Variants in BRINP1 observed in about 807,000 individuals in gnomAD.
The protein encoded by BRINP1 is BMP/retinoic acid inducible neural specific 1.
Under a neutral mutation model 72.9 loss-of-function variants are expected in BRINP1, and 17 were observed. The ratio of observed to expected loss-of-function variants is 0.23; its 90% CI spans 0.16 to 0.35. The LOEUF (loss-of-function observed/expected upper bound fraction) is 0.35. BRINP1 is among the 10% of genes least tolerant of loss of function. BRINP1 has a pLI of 1.00. For missense variants in BRINP1, 850 were observed against 1,001.6 expected, an observed-to-expected ratio of 0.85 and a Z score of 2.04; for synonymous variants, 418 against 378.5, an observed-to-expected ratio of 1.10 and a Z score of -1.21.
intron 3 of BRINP1, among the ~76,000 whole-genome samples, chr9:119,245,783 AAG>A (rs1830310230): frequency 6.6e-6 from 1 of 152,226 alleles, no homozygotes; most frequent in East Asian, 1.9e-4. Flanking sequence ...TGACATGTCG[AAG>A]AGTTTATCAA....
intron 7 of BRINP1, among the ~76,000 whole-genome samples, chr9:119,185,291 A>T (rs1351237158): frequency 1.3e-5 from 2 of 152,240 alleles, no homozygotes; most frequent in Admixed American, 6.5e-5. Context: ...CCAAAAAAAC[A>T]TTAACAAGAA....
At chr9:119,278,780 C>T (rs1226526090) in intron 2 of BRINP1, among the ~76,000 whole-genome samples, 1 of 152,006 alleles carries the variant, frequency 6.6e-6, no homozygotes, top group African/African-American at 2.4e-5. Flanking sequence ...CTCAGCTACT[C>T]AGGAGGCTGA....
intron 1 of BRINP1, among the ~76,000 whole-genome samples, chr9:119,332,560 C>G (rs1831309905): frequency 6.6e-6 from 1 of 152,182 alleles, no homozygotes; most frequent in Non-Finnish European, 1.5e-5. Context: ...GATGGTGTGT[C>G]AGTTCTGAGC....
chr9:119,328,330 G>A (rs986160008), intron 1 of BRINP1, among the ~76,000 whole-genome samples: 1 of 152,200 alleles, frequency 6.6e-6, no homozygotes, highest in African/African-American at 2.4e-5. Flanking sequence ...ATTAAGGCAT[G>A]AATGGGATGT....
At chr9:119,321,986 G>A (rs751610976) in intron 1 of BRINP1, among the ~76,000 whole-genome samples, 6 of 152,168 alleles carry the variant, frequency 3.9e-5, no homozygotes, top group African/African-American at 9.6e-5. Flanking sequence ...TATCAACAGC[G>A]TAGAACCCAA....
intron 4 of BRINP1, among the ~76,000 whole-genome samples, chr9:119,240,236 T>C (rs1564225919): frequency 6.6e-6 from 1 of 152,072 alleles, no homozygotes; most frequent in African/African-American, 2.4e-5. Flanking sequence ...GCCATTGCAC[T>C]CCAGCCTGGG....
At chr9:119,271,119 C>T (rs1830601144) in intron 2 of BRINP1, among the ~76,000 whole-genome samples, 1 of 151,930 alleles carries the variant, frequency 6.6e-6, no homozygotes, top group Non-Finnish European at 1.5e-5. Flanking sequence ...AAGATTTGAG[C>T]TGATAACTGA....
chr9:119,250,832 A>G (rs1411996669), intron 2 of BRINP1, among the ~76,000 whole-genome samples: 1 of 152,124 alleles, frequency 6.6e-6, no homozygotes, highest in Non-Finnish European at 1.5e-5. Context: ...AACAGACTAG[A>G]CAAGAGGGCT....
intron 2 of BRINP1, among the ~76,000 whole-genome samples, chr9:119,280,236 G>GT (rs1225291314): frequency 8.5e-4 from 107 of 126,344 alleles, no homozygotes; most frequent in South Asian, 6.0e-3. Context: ...GAAATAAGTA[G>GT]TTTTTTTTTC....
chr9:119,183,530 T>G (rs2118840971), intron 7 of BRINP1, among the ~76,000 whole-genome samples: 1 of 152,290 alleles, frequency 6.6e-6, no homozygotes, highest in Admixed American at 6.5e-5. Flanking sequence ...ATGCCTTAGT[T>G]TTTGATCTGG....
chr9:119,313,655 A>G (rs535229842), intron 1 of BRINP1, among the ~76,000 whole-genome samples: 152 of 152,300 alleles, frequency 1.0e-3, no homozygotes, highest in Admixed American at 1.9e-3. Context: ...TTGTCTGAAC[A>G]TGTACAAACT....
chr9:119,310,910 G>A (rs1002639573), intron 2 of BRINP1, among the ~76,000 whole-genome samples: 1 of 152,140 alleles, frequency 6.6e-6, no homozygotes, highest in Non-Finnish European at 1.5e-5. Flanking sequence ...CTGTTGCTCT[G>A]ATGAGCATCT....
Position 119,313,181 on chromosome 9 carries a change from C to G in BRINP1, c.175G>C (p.Glu59Gln). The change falls in exon 2 of 8, where the codon GAA becomes CAA. Residue 59 changes from glutamate (E) to glutamine (Q), a missense_variant. Transcript: ENST00000265922. Reference sequence around the variant, plus strand: ...GTTGTAAATCCTTGACGGTGTCTTTCCACAAAGGATAGGTAGCTCCTGGAG... The same window carrying G: ...GTTGTAAATCCTTGACGGTGTCTTTGCACAAAGGATAGGTAGCTCCTGGAG... ...HHSRSYLSFV[E>Q]RHRQGFTTRY... 1 of 1,614,130 alleles carries G rather than the reference C, an allele frequency of 6.2e-7. No homozygotes were observed. The highest frequency in any genetic ancestry group is 8.5e-7 in the Non-Finnish European group (1 of 1,180,022).
intron 1 of BRINP1, among the ~76,000 whole-genome samples, chr9:119,362,111 C>G (rs902674656): frequency 2.1e-5 from 3 of 144,286 alleles, no homozygotes; most frequent in Non-Finnish European, 4.5e-5. Context: ...AGCCACCATG[C>G]CTGACTGCAA....
At chr9:119,231,937 TC>T (rs1372676135) in intron 5 of BRINP1, among the ~76,000 whole-genome samples, 3 of 152,092 alleles carry the variant, frequency 2.0e-5, no homozygotes, top group Non-Finnish European at 4.4e-5. Flanking sequence ...AGTATTTATA[TC>T]CTAATTTATA....
intron 1 of BRINP1, among the ~76,000 whole-genome samples, chr9:119,348,733 T>TA (rs1228869984): frequency 1.3e-5 from 2 of 152,216 alleles, no homozygotes; most frequent in Non-Finnish European, 2.9e-5. Flanking sequence ...GGTCAACACT[T>TA]ACTATGGTGT....
chr9:119,197,535 C>T (rs1829751991), intron 7 of BRINP1, among the ~76,000 whole-genome samples: 1 of 152,098 alleles, frequency 6.6e-6, no homozygotes, highest in South Asian at 2.1e-4. Context: ...GCAAGTTGTT[C>T]CACTAAGAGT....
chr9:119,190,096 A>G (rs1057325566), intron 7 of BRINP1, among the ~76,000 whole-genome samples: 3 of 152,046 alleles, frequency 2.0e-5, no homozygotes, highest in Non-Finnish European at 2.9e-5. Flanking sequence ...AGAAATCAAA[A>G]GGGAAACTGA....
intron 5 of BRINP1, among the ~76,000 whole-genome samples, chr9:119,223,878 G>A (rs1213322011): frequency 6.6e-6 from 1 of 152,094 alleles, no homozygotes; most frequent in Non-Finnish European, 1.5e-5. Context: ...ATTCTTAAGA[G>A]AACAATGGTG....
Sources: gnomAD v4.1 joint callset for allele counts (sites outside exome capture counted in the v4.1 genomes callset) on GRCh38, gnomAD v4.1.1 for gene constraint, MANE v1.5 for transcripts, NCBI Gene and HGNC (gene_info 2026-07-23, HGNC 2026-07-21) for gene names.